Variants in INO80D observed in about 807,000 individuals in gnomAD.
INO80D encodes INO80 complex subunit D.
A neutral mutation model predicts 87.6 loss-of-function variants in INO80D; 21 were observed. The ratio of observed to expected loss-of-function variants is 0.24; its 90% CI spans 0.17 to 0.35. INO80D has a LOEUF of 0.35. Ranked by LOEUF, INO80D falls within the 10% of genes least tolerant of loss-of-function variation. The pLI is 1.00. For missense variants in INO80D, 982 were observed against 1,280.7 expected, an observed-to-expected ratio of 0.77 and a Z score of 3.56; for synonymous variants, 440 against 491.0, an observed-to-expected ratio of 0.90 and a Z score of 1.37.
chr2:206,080,743 TA>T (rs1690255653), intron 1 of INO80D, among the ~76,000 whole-genome samples: 1 of 151,226 alleles, frequency 6.6e-6, no homozygotes, highest in Non-Finnish European at 1.5e-5. Flanking sequence ...CCGTCTCTAC[TA>T]AAAATAGAAA....
At chr2:206,005,774 A>G (rs1688007057) in intron 10 of INO80D, among the ~76,000 whole-genome samples, 1 of 152,218 alleles carries the variant, frequency 6.6e-6, no homozygotes, top group Non-Finnish European at 1.5e-5. Context: ...ATACCATCTC[A>G]AAAACCATCT....
chr2:206,006,497 A>G (rs1287173671), intron 10 of INO80D, among the ~76,000 whole-genome samples: 1 of 151,956 alleles, frequency 6.6e-6, no homozygotes, highest in South Asian at 2.1e-4. Context: ...AGCCTGACCA[A>G]CATGGTGAAA....
intron 1 of INO80D, among the ~76,000 whole-genome samples, chr2:206,075,972 T>C (rs1455359306): frequency 1.3e-5 from 2 of 149,974 alleles, no homozygotes; most frequent in Non-Finnish European, 3.0e-5. Context: ...AAACTGCTTG[T>C]ACCCGGGAGG....
intron 6 of INO80D, chr2:206,025,528 C>CAAAAAAAAAAAAAAAAAAA (rs71410856): frequency 1.8e-5 from 1 of 54,512 alleles, no homozygotes. Flanking sequence ...AACTCCATCT[C>CAAAAAAAAAAAAAAAAAAA]AAAAAAAAAA....
Position 206,052,250 on chromosome 2 carries a change from C to T in INO80D, c.964+3948G>A, listed in dbSNP as rs1039246839. Reference sequence around the variant, plus strand: ...TAGCCCAGGCTGGAGTCCAGTGGTGCGATCTCGGCTCACTGCAACCTCCGC... The same window carrying T: ...TAGCCCAGGCTGGAGTCCAGTGGTGTGATCTCGGCTCACTGCAACCTCCGC... On this transcript the variant is annotated intron_variant, in intron 4 of 10. Coordinates refer to ENST00000403263, the MANE Select transcript of INO80D (RefSeq NM_017759.5). Among the ~76,000 whole-genome samples, 3 of 152,090 alleles carry T rather than the reference C, an allele frequency of 2.0e-5. No homozygotes were observed. The East Asian group carries it at 5.8e-4, about 29-fold the overall frequency.
chr2:206,038,900 A>C (rs546134161), intron 5 of INO80D, among the ~76,000 whole-genome samples: 15 of 152,330 alleles, frequency 9.8e-5, no homozygotes, highest in Non-Finnish European at 1.3e-4. Context: ...TGCTGATATA[A>C]AGTATCATCC....
intron 5 of INO80D, among the ~76,000 whole-genome samples, chr2:206,043,413 G>A (rs992673956): frequency 6.6e-6 from 1 of 151,906 alleles, no homozygotes; most frequent in African/African-American, 2.4e-5. Flanking sequence ...CTCATGATCC[G>A]CCCACTTCGG....
intron 5 of INO80D, among the ~76,000 whole-genome samples, chr2:206,043,330 C>T (rs138964083): frequency 0.037 from 5,590 of 152,038 alleles, 147 homozygotes; most frequent in Middle Eastern, 0.085. Flanking sequence ...CACCACCACA[C>T]CCGATTAATT....
At chr2:206,081,706 G>A (rs1252304209) in intron 1 of INO80D, among the ~76,000 whole-genome samples, 4 of 148,878 alleles carry the variant, frequency 2.7e-5, no homozygotes, top group African/African-American at 7.4e-5. Flanking sequence ...GCAGTGAGCT[G>A]TAATCATGCC....
At chr2:206,060,156 G>A (rs539268733) in intron 3 of INO80D, among the ~76,000 whole-genome samples, 79 of 152,106 alleles carry the variant, frequency 5.2e-4, no homozygotes, top group African/African-American at 1.8e-3. Context: ...AGTGAGCTAC[G>A]ATCATGCCAC....
At chr2:206,018,572 C>T (rs545053467) in intron 7 of INO80D, among the ~76,000 whole-genome samples, 3 of 152,268 alleles carry the variant, frequency 2.0e-5, no homozygotes, top group Admixed American at 2.0e-4. Context: ...TTTTGCTTCA[C>T]ACTTCCAGCA....
At chr2:206,041,136 C>A (rs1223623015) in intron 5 of INO80D, among the ~76,000 whole-genome samples, 1 of 151,918 alleles carries the variant, frequency 6.6e-6, no homozygotes, top group East Asian at 1.9e-4. Context: ...TAAAATACAA[C>A]CATAATAAAA....
In INO80D at chr2:206,004,903, G is replaced by A. The variant is rs985580206; in HGVS notation, c.2549C>T (p.Ser850Leu). 8.1e-6 allele frequency: 13 copies of A among 1,613,912 alleles called. No individual in the cohort carries two copies. Among genetic ancestry groups the A allele is most frequent in the East Asian group, 2.2e-5 (1 of 44,900 alleles). ...SDHITSPHTT[S>L]YSGDNMAATF... ...AGCTGCCATATTATCACCAGAGTAC[G>A]ATGTTGTGTGGGGAGAGGTGATATG... is the stretch of plus-strand genomic sequence containing the variant. The change falls in exon 11 of 11, where the codon TCG (serine) becomes TTG (leucine). Residue 850 changes from serine to leucine, a missense_variant. By Grantham distance (145) the Ser-to-Leu change is moderately radical. Coordinates refer to ENST00000403263, the MANE Select transcript of INO80D (RefSeq NM_017759.5). This position sits in a 1 kb window ranked among gnomAD's most constrained non-coding sequence, Gnocchi z 4.9.
At position 206,034,864 on chromosome 2, in the gene INO80D, T is replaced by C. The variant is rs368675245; in HGVS notation, c.1074-6529A>G. 5.3e-5 allele frequency among the ~76,000 whole-genome samples: 8 copies of C among 152,186 alleles called. No homozygotes were observed. The East Asian group carries it at 1.3e-3, about 26-fold the overall frequency. On this transcript the variant is annotated intron_variant, in intron 5 of 10. Transcript: ENST00000403263. Reference sequence around the variant, plus strand: ...GAAAACCATTAAGACTCCAGAAAGCTCCTAGAACTGATAAAAGAATTCAGT... The same window carrying C: ...GAAAACCATTAAGACTCCAGAAAGCCCCTAGAACTGATAAAAGAATTCAGT...
At chr2:206,029,834 CT>C (rs1688713127) in intron 5 of INO80D, among the ~76,000 whole-genome samples, 1 of 152,144 alleles carries the variant, frequency 6.6e-6, no homozygotes, top group African/African-American at 2.4e-5. Flanking sequence ...AAGATAAACA[CT>C]TCCCAAAAAG....
intron 4 of INO80D, among the ~76,000 whole-genome samples, chr2:206,055,876 T>C (rs1689503737): frequency 6.6e-6 from 1 of 152,250 alleles, no homozygotes; most frequent in African/African-American, 2.4e-5. Flanking sequence ...GTATTATACG[T>C]AATCTAGAGA....
chr2:206,029,009 T>C (rs1232745804), intron 5 of INO80D, among the ~76,000 whole-genome samples: 1 of 151,818 alleles, frequency 6.6e-6, no homozygotes, highest in East Asian at 1.9e-4. Context: ...TGCCTCAGCC[T>C]CATGAGTAGC....
chr2:206,019,786 C>T lies in INO80D; in HGVS notation c.1358G>A (p.Gly453Asp). Residue 453 changes from glycine to aspartate, a missense_variant, in exon 7 of 11, where the codon GGT (glycine) becomes GAT (aspartate). Transcript: ENST00000403263. ...AAGGGCTTTGTTAGCGCACTGTTCA[C>T]CCTTCACGGTTCCACTGCATGCTGC... is the stretch of plus-strand genomic sequence containing the variant. ...EPAACSGTVKGEQCANKALPF... is the reference protein window; with the variant it reads ...EPAACSGTVKDEQCANKALPF... The T allele has an allele frequency of 6.2e-7, 1 of 1,613,908 alleles. No homozygotes were observed. Among genetic ancestry groups the T allele is most frequent in the Non-Finnish European group, 8.5e-7 (1 of 1,179,848 alleles).
chr2:206,011,541 A>G (rs918717911), intron 8 of INO80D, among the ~76,000 whole-genome samples: 1 of 152,170 alleles, frequency 6.6e-6, no homozygotes, highest in Admixed American at 6.5e-5. Context: ...ATTCACTCCC[A>G]ACTTTTGTCT....
Sources: allele counts gnomAD v4.1 joint callset (sites outside exome capture counted in the v4.1 genomes callset), GRCh38; gene constraint gnomAD v4.1.1; non-coding constraint Gnocchi (gnomAD v3.1); transcripts MANE v1.5; gene names NCBI Gene and HGNC (gene_info 2026-07-23, HGNC 2026-07-21).